Variants in NR2C1 observed in about 807,000 individuals in gnomAD.
The protein encoded by NR2C1 is TR2 nuclear hormone receptor.
In NR2C1, 33 loss-of-function variants were observed where a neutral mutation model predicts 74.8. The observed-to-expected ratio is 0.44, with a 90% CI of 0.33 to 0.59. The LOEUF (loss-of-function observed/expected upper bound fraction) is 0.59, where lower values mean the gene tolerates loss of function less well. Ranked by LOEUF, NR2C1 falls within the 20% of genes least tolerant of loss-of-function variation. The pLI is 0.02. For missense variants in NR2C1, 568 were observed against 715.6 expected, an observed-to-expected ratio of 0.79 and a Z score of 2.35; for synonymous variants, 225 against 240.6, an observed-to-expected ratio of 0.94 and a Z score of 0.60.
intron 10 of NR2C1, among the ~76,000 whole-genome samples, chr12:95,039,478 T>C (rs1871242395): frequency 6.6e-6 from 1 of 152,192 alleles, no homozygotes; most frequent in Non-Finnish European, 1.5e-5. Flanking sequence ...AAAAACTTTC[T>C]AACTATGGGC....
At chr12:95,050,703 G>A (rs988524030) in intron 8 of NR2C1, among the ~76,000 whole-genome samples, 2 of 151,372 alleles carry the variant, frequency 1.3e-5, no homozygotes, top group South Asian at 2.1e-4. Context: ...TGATCTTCCC[G>A]CCTCAGCCTC....
chr12:95,042,427 C>G (rs193789), intron 9 of NR2C1, among the ~76,000 whole-genome samples: 18,680 of 151,726 alleles, frequency 0.12, 1,488 homozygotes, highest in Non-Finnish European at 0.18. Flanking sequence ...TGGCCAGGCT[C>G]GTCTCAAACT....
chr12:95,063,767 C>T (rs754814440), intron 2 of NR2C1, among the ~76,000 whole-genome samples: 3 of 151,940 alleles, frequency 2.0e-5, no homozygotes, highest in South Asian at 4.2e-4. Context: ...CAGTGGCTCA[C>T]GCCCATAATC....
intron 11 of NR2C1, chr12:95,030,786 T>A (rs757424246): frequency 1.9e-6 from 3 of 1,612,976 alleles, no homozygotes; most frequent in Non-Finnish European, 2.5e-6. Context: ...CTGTTTTGGG[T>A]AGTCATAAGC....
intron 7 of NR2C1, among the ~76,000 whole-genome samples, chr12:95,056,838 A>C (rs1372098459): frequency 4.6e-5 from 7 of 151,914 alleles, no homozygotes; most frequent in African/African-American, 1.7e-4. Context: ...AGGTGCCTGT[A>C]GTCCCAGCTA....
At chr12:95,023,437 A>C (rs995528351) in intron 13 of NR2C1, among the ~76,000 whole-genome samples, 1 of 152,312 alleles carries the variant, frequency 6.6e-6, no homozygotes, top group Non-Finnish European at 1.5e-5. Flanking sequence ...AAAAATGGCA[A>C]TGTTTTGTGT....
chr12:95,026,640 C>T (rs182920777), intron 12 of NR2C1, among the ~76,000 whole-genome samples: 5 of 152,266 alleles, frequency 3.3e-5, no homozygotes, highest in Admixed American at 6.5e-5. Flanking sequence ...TAGAGACATA[C>T]GTTACTAACT....
At chr12:95,045,244 A>G (rs1872160600) in intron 9 of NR2C1, among the ~76,000 whole-genome samples, 1 of 152,220 alleles carries the variant, frequency 6.6e-6, no homozygotes, top group Non-Finnish European at 1.5e-5. Context: ...AAAAGGGCTA[A>G]GAAAGCTAAT....
Position 95,057,660 on chromosome 12 carries a change from C to A in NR2C1, c.693-17G>T, listed in dbSNP as rs745982512. On this transcript the variant is annotated splice_polypyrimidine_tract_variant and intron_variant, in intron 6 of 13. Transcript: ENST00000333003. ...CCTGTTGACCTGTAACAAATCAGCACAAATTTTGGCCTGAGTTTCATTGGG... is the reference window on the plus strand; with the variant it reads ...CCTGTTGACCTGTAACAAATCAGCAAAAATTTTGGCCTGAGTTTCATTGGG... 3.1e-6 allele frequency: 5 copies of A among 1,612,880 alleles called. No individual in the cohort carries two copies. Among genetic ancestry groups the A allele is most frequent in the Admixed American group, 1.7e-5 (1 of 59,742 alleles).
chr12:95,025,973 G>A (rs892404406), intron 12 of NR2C1, among the ~76,000 whole-genome samples: 5 of 151,732 alleles, frequency 3.3e-5, no homozygotes, highest in Non-Finnish European at 7.4e-5. Context: ...TTGGGAGGCC[G>A]AGGTGGGGGG....
chr12:95,051,403 T>G (rs997368093), intron 8 of NR2C1, among the ~76,000 whole-genome samples: 6 of 152,234 alleles, frequency 3.9e-5, no homozygotes, highest in African/African-American at 1.4e-4. Flanking sequence ...ATGGCACATG[T>G]ACAGGCCAGA....
At chr12:95,054,025 T>C (rs774447135) in intron 7 of NR2C1, among the ~76,000 whole-genome samples, 2 of 152,194 alleles carry the variant, frequency 1.3e-5, no homozygotes, top group African/African-American at 2.4e-5. Flanking sequence ...TATGTTCCCA[T>C]GATGTTTCAT....
At chr12:95,028,185 T>C (rs1398003893) in intron 12 of NR2C1, 5 of 504,976 alleles carry the variant, frequency 9.9e-6, no homozygotes, top group Non-Finnish European at 1.7e-5. Context: ...TGCATAGATA[T>C]ATATTTTTCA....
At chr12:95,054,031 T>C (rs1873468879) in intron 7 of NR2C1, among the ~76,000 whole-genome samples, 1 of 152,180 alleles carries the variant, frequency 6.6e-6, no homozygotes, top group Admixed American at 6.5e-5. Context: ...CCCATGATGT[T>C]TCATTTATTA....
intron 8 of NR2C1, 43 bp downstream of exon 8, chr12:95,051,719 G>A (rs933020406): frequency 4.0e-6 from 6 of 1,499,480 alleles, no homozygotes; most frequent in African/African-American, 1.4e-5. Flanking sequence ...AATACTGAAA[G>A]ACATGTAAAC....
Position 95,025,221 on chromosome 12 carries a change from C to T in NR2C1, c.1566G>A (p.Glu522=). 1 of 1,606,548 alleles carries T rather than the reference C, an allele frequency of 6.2e-7. No homozygotes were observed. Residue 522 remains glutamate (E), a synonymous_variant, in exon 13 of 14, where the codon GAG becomes GAA. Coordinates refer to ENST00000333003, the MANE Select transcript of NR2C1 (RefSeq NM_003297.4). ...CCACATAAGCCTTTTCCTGAAATTTCTCTATCTGTTCCATGTTTTCTAGGC... is the reference window on the plus strand; with the variant it reads ...CCACATAAGCCTTTTCCTGAAATTTTTCTATCTGTTCCATGTTTTCTAGGC... ...HPSLENMEQI[E]KFQEKAYVEF...
At chr12:95,055,142 CCCCT>C (rs776399515) in intron 7 of NR2C1, among the ~76,000 whole-genome samples, 112 of 152,296 alleles carry the variant, frequency 7.4e-4, no homozygotes, top group Non-Finnish European at 1.5e-3. Flanking sequence ...TAAGTTTTTG[CCCCT>C]AAAGGCTCTT....
At chr12:95,022,755 G>A (rs1428874054) in intron 13 of NR2C1, among the ~76,000 whole-genome samples, 1 of 151,194 alleles carries the variant, frequency 6.6e-6, no homozygotes, top group Non-Finnish European at 1.5e-5. Context: ...CTGGAGTGCA[G>A]TGGTGTGAGC....
intron 10 of NR2C1, among the ~76,000 whole-genome samples, chr12:95,034,612 T>C (rs1283534555): frequency 7.9e-5 from 12 of 152,238 alleles, no homozygotes; most frequent in Non-Finnish European, 1.5e-4. Flanking sequence ...CAGTCATGCA[T>C]AGCACAATGT....
Sources: allele counts gnomAD v4.1 joint callset (sites outside exome capture counted in the v4.1 genomes callset), GRCh38; gene constraint gnomAD v4.1.1; transcripts MANE v1.5; gene names NCBI Gene and HGNC (gene_info 2026-07-23, HGNC 2026-07-21).